Variants in ZNF385D observed in about 807,000 individuals in gnomAD.
The protein encoded by ZNF385D is zinc finger protein 659.
In ZNF385D, 15 loss-of-function variants were observed where a neutral mutation model predicts 35.8. That is an observed-to-expected ratio of 0.42 (90% confidence interval 0.28 to 0.64). ZNF385D has a LOEUF of 0.64. Among genes scored for constraint, ZNF385D ranks in the 30% least tolerant of loss-of-function variants. ZNF385D has a pLI of 0.23. For missense variants in ZNF385D, 474 were observed against 494.6 expected (o/e 0.96, Z 0.39); for synonymous variants, 212 against 186.8 (o/e 1.13, Z -1.10).
At chr3:22,348,795 G>C (rs1695782834) in intron 2 of ZNF385D, among the ~76,000 whole-genome samples, 1 of 152,240 alleles carries the variant, frequency 6.6e-6, no homozygotes, top group Non-Finnish European at 1.5e-5. Flanking sequence ...AAGGAGAGAG[G>C]CATGGTGATA....
chr3:21,537,848 G>A (rs2062073492), intron 3 of ZNF385D, among the ~76,000 whole-genome samples: 1 of 152,080 alleles, frequency 6.6e-6, no homozygotes, highest in South Asian at 2.1e-4. Context: ...ATTTTCAACA[G>A]AAAAGCCACC....
intron 4 of ZNF385D, chr3:21,443,396 G>A (rs907356367): frequency 2.5e-5 from 24 of 968,864 alleles, no homozygotes; most frequent in South Asian, 1.9e-4. Flanking sequence ...CCATTTGTAT[G>A]CTCGGTCCTG....
chr3:21,940,565 GAAAAC>G (rs1330685907), intron 3 of ZNF385D, among the ~76,000 whole-genome samples: 3 of 152,150 alleles, frequency 2.0e-5, no homozygotes, highest in Non-Finnish European at 4.4e-5. Flanking sequence ...GTGCAGCAAT[GAAAAC>G]AAAACAGAAC....
intron 1 of ZNF385D, among the ~76,000 whole-genome samples, chr3:21,707,333 C>A (rs958434197): frequency 6.6e-6 from 1 of 152,086 alleles, no homozygotes; most frequent in Non-Finnish European, 1.5e-5. Flanking sequence ...TGTTTACAGT[C>A]CTTTGGTACA....
chr3:22,301,549 T>C (rs1302859911), intron 2 of ZNF385D, among the ~76,000 whole-genome samples: 1 of 152,060 alleles, frequency 6.6e-6, no homozygotes, highest in Non-Finnish European at 1.5e-5. Flanking sequence ...ATTTTGTCAA[T>C]TAAAATATAT....
intron 1 of ZNF385D, among the ~76,000 whole-genome samples, chr3:21,727,360 A>G (rs2068810547): frequency 6.6e-6 from 1 of 152,218 alleles, no homozygotes; most frequent in Non-Finnish European, 1.5e-5. Context: ...GCACAGCAAA[A>G]GAAACTATCA....
intron 2 of ZNF385D, among the ~76,000 whole-genome samples, chr3:22,359,468 T>C (rs1696315221): frequency 6.6e-6 from 1 of 151,916 alleles, no homozygotes. Context: ...TTAGGACTGG[T>C]TTCAGCAATG....
At chr3:21,776,303 G>C (rs764226489) in intron 3 of ZNF385D, among the ~76,000 whole-genome samples, 1 of 151,784 alleles carries the variant, frequency 6.6e-6, no homozygotes, top group Admixed American at 6.6e-5. Context: ...TAGGTTAAAG[G>C]GTAAAATTGC....
intron 2 of ZNF385D, among the ~76,000 whole-genome samples, chr3:22,211,724 G>A (rs1576502770): frequency 6.6e-6 from 1 of 152,072 alleles, no homozygotes; most frequent in East Asian, 1.9e-4. Flanking sequence ...GGGGCAGAGA[G>A]TGAGAGAGGG....
At chr3:21,652,878 CTGAG>C (rs1451522740) in intron 2 of ZNF385D, among the ~76,000 whole-genome samples, 1 of 152,054 alleles carries the variant, frequency 6.6e-6, no homozygotes, top group Non-Finnish European at 1.5e-5. Context: ...TGTTGATCAC[CTGAG>C]TATTAACGTG....
chr3:22,297,422 C>T (rs1450460372), intron 2 of ZNF385D, among the ~76,000 whole-genome samples: 1 of 152,122 alleles, frequency 6.6e-6, no homozygotes, highest in Non-Finnish European at 1.5e-5. Flanking sequence ...CAGGATTCCT[C>T]ATACCTGGAG....
chr3:21,611,232 T>C (rs1382530680), intron 2 of ZNF385D, among the ~76,000 whole-genome samples: 1 of 152,170 alleles, frequency 6.6e-6, no homozygotes, highest in Non-Finnish European at 1.5e-5. Context: ...TACCAGAAGA[T>C]GGGGTTCATG....
chr3:21,478,132 A>T (rs969618437), intron 4 of ZNF385D, among the ~76,000 whole-genome samples: 9 of 152,180 alleles, frequency 5.9e-5, no homozygotes, highest in African/African-American at 2.2e-4. Flanking sequence ...GAAAGAAAAG[A>T]GTATGACTAT....
At position 21,583,391 on chromosome 3, in the gene ZNF385D, A is replaced by G. The variant is rs117808985; in HGVS notation, c.166-18707T>C. On this transcript the variant is annotated intron_variant, in intron 2 of 7. Transcript: ENST00000281523. Reference sequence around the variant, plus strand: ...TCTTAGAATATACTATCATCTTAAAATACCTTTTCTAGTTTTAAAATTTTC... The same window carrying G: ...TCTTAGAATATACTATCATCTTAAAGTACCTTTTCTAGTTTTAAAATTTTC... 3.6e-3 allele frequency among the ~76,000 whole-genome samples: 552 copies of G among 152,318 alleles called. 26 individuals are homozygous for G. The East Asian group carries it at 0.097, about 27-fold the overall frequency.
chr3:22,183,140 AAAT>A (rs1229924341), intron 2 of ZNF385D, among the ~76,000 whole-genome samples: 16 of 152,292 alleles, frequency 1.1e-4, no homozygotes, highest in South Asian at 2.1e-4. Flanking sequence ...AATGAAAGAA[AAAT>A]AATGAGTTAA....
intron 2 of ZNF385D, among the ~76,000 whole-genome samples, chr3:21,629,276 C>G (rs1182734973): frequency 6.6e-6 from 1 of 152,124 alleles, no homozygotes; most frequent in East Asian, 1.9e-4. Context: ...GAGGCCTCTT[C>G]TGGCCACACC....
chr3:22,207,593 A>G (rs574226992), intron 2 of ZNF385D, among the ~76,000 whole-genome samples: 1 of 152,140 alleles, frequency 6.6e-6, no homozygotes, highest in African/African-American at 2.4e-5. Flanking sequence ...GACAAATGGG[A>G]TGACATCACG....
chr3:21,772,815 C>G (rs1575623745), intron 3 of ZNF385D, among the ~76,000 whole-genome samples: 1 of 151,910 alleles, frequency 6.6e-6, no homozygotes, highest in Admixed American at 6.6e-5. Context: ...CAAGTGTCCA[C>G]TGACAGATGA....
At chr3:21,825,205 AGT>A (rs934779178) in intron 3 of ZNF385D, among the ~76,000 whole-genome samples, 1 of 152,184 alleles carries the variant, frequency 6.6e-6, no homozygotes, top group African/African-American at 2.4e-5. Context: ...TTCACCAAAC[AGT>A]GTTCTAAAAT....
Sources: gnomAD v4.1 joint callset for allele counts (sites outside exome capture counted in the v4.1 genomes callset) on GRCh38, gnomAD v4.1.1 for gene constraint, MANE v1.5 for transcripts, NCBI Gene and HGNC (gene_info 2026-07-23, HGNC 2026-07-21) for gene names.